MICU2: variants seen among roughly 807,000 people sequenced by gnomAD.
MICU2 encodes the protein calcium uptake protein 2, mitochondrial.
A neutral mutation model predicts 60.4 loss-of-function variants in MICU2; 64 were observed. The observed-to-expected ratio is 1.06, with a 90% CI of 0.87 to 1.31. The LOEUF is 1.31. Ranked by LOEUF, MICU2 falls within the 50% of genes most tolerant of loss-of-function variation. The pLI is 0.00. For missense variants in MICU2, 569 were observed against 531.0 expected, an observed-to-expected ratio of 1.07 and a Z score of -0.70; for synonymous variants, 201 against 175.0, an observed-to-expected ratio of 1.15 and a Z score of -1.17.
At chr13:21,529,712 C>T (rs1886940801) in intron 4 of MICU2, among the ~76,000 whole-genome samples, 1 of 152,180 alleles carries the variant, frequency 6.6e-6, no homozygotes, top group Non-Finnish European at 1.5e-5. Flanking sequence ...ATGTAAGTCA[C>T]TGTAACCTTG....
chr13:21,520,191 G>A (rs1886682340), intron 6 of MICU2, among the ~76,000 whole-genome samples: 1 of 152,046 alleles, frequency 6.6e-6, no homozygotes, highest in Admixed American at 6.6e-5. Flanking sequence ...GATCCTATTT[G>A]TTTATCCACT....
chr13:21,594,260 G>T (rs538915622), intron 1 of MICU2, among the ~76,000 whole-genome samples: 1 of 151,956 alleles, frequency 6.6e-6, no homozygotes, highest in South Asian at 2.1e-4. Flanking sequence ...ACATTTACAC[G>T]GCCAACAAAC....
Position 21,495,316 on chromosome 13 carries a change from C to T in MICU2, c.1045G>A (p.Glu349Lys), listed in dbSNP as rs760247912. The T allele has an allele frequency of 1.9e-6, 3 of 1,581,226 alleles. No homozygotes were observed. The highest frequency in any genetic ancestry group is 2.6e-6 in the Non-Finnish European group (3 of 1,164,976). Residue 349 changes from glutamate (E) to lysine (K), a missense_variant and splice_region_variant, in exon 11 of 12, where the codon GAG (glutamate) becomes AAG (lysine). Glu to Lys is a moderately conservative substitution (Grantham distance 56). Transcript: ENST00000382374. ...GCTACTTTCACAGCTCTCTTAAACTCCGCTAAAAAACAAACATAAAACAAC... is the reference window on the plus strand; with the variant it reads ...GCTACTTTCACAGCTCTCTTAAACTTCGCTAAAAAACAAACATAAAACAAC... ...SLAHRPVRLA[E>K]FKRAVKVATG...
chr13:21,567,694 G>A (rs757855974), intron 1 of MICU2, among the ~76,000 whole-genome samples: 5 of 152,204 alleles, frequency 3.3e-5, no homozygotes, highest in Non-Finnish European at 5.9e-5. Flanking sequence ...AATGAAGAGA[G>A]TGCTGAAATC....
chr13:21,551,829 G>C (rs1181691743), intron 2 of MICU2, among the ~76,000 whole-genome samples: 3 of 151,474 alleles, frequency 2.0e-5, no homozygotes, highest in African/African-American at 7.3e-5. Context: ...TCTTAATCCA[G>C]TCTTTGTTGG....
rs71093338 is a variant in MICU2 at position 21,593,571 on chromosome 13, C to CAAAA, written c.210+10364_210+10367dup. Among the ~76,000 whole-genome samples, 121 of 63,036 alleles carry CAAAA rather than the reference C, an allele frequency of 1.9e-3. 3 individuals carry two copies. Among genetic ancestry groups the CAAAA allele is most frequent in the African/African-American group, 2.3e-3 (34 of 14,888 alleles). The allele number at this position is 63,036 out of a possible 152,430, so 41.4% of individuals were successfully genotyped here. Reference sequence around the variant, plus strand: ...CCCATATTGCAAAGACAATCCTAAGCAAAAAAAAAAAAAAAAAAAAAAACA... The same window carrying CAAAA: ...CCCATATTGCAAAGACAATCCTAAGCAAAAAAAAAAAAAAAAAAAAAAAAAAACA... On this transcript the variant is annotated intron_variant, in intron 1 of 11. Transcript: ENST00000382374.
intron 1 of MICU2, among the ~76,000 whole-genome samples, chr13:21,585,091 AG>A (rs1303802819): frequency 1.3e-5 from 2 of 152,352 alleles, no homozygotes; most frequent in Middle Eastern, 3.4e-3. Context: ...TACACAATGA[AG>A]GAATGTAAGA....
intron 1 of MICU2, among the ~76,000 whole-genome samples, chr13:21,592,994 A>G (rs1888615634): frequency 6.6e-6 from 1 of 152,258 alleles, no homozygotes. Flanking sequence ...CGTATTCAAC[A>G]GAGTACTGGA....
intron 4 of MICU2, 32 bp downstream of exon 4, chr13:21,539,270 T>C: frequency 1.3e-6 from 2 of 1,573,852 alleles, no homozygotes; most frequent in South Asian, 1.1e-5. Flanking sequence ...ATAAAACACA[T>C]AACTAGAAAT....
chr13:21,508,369 C>T (rs753092569), intron 8 of MICU2, among the ~76,000 whole-genome samples: 2 of 152,138 alleles, frequency 1.3e-5, no homozygotes, highest in Non-Finnish European at 2.9e-5. Flanking sequence ...TCGTGATCCA[C>T]CACCTCGGCC....
chr13:21,498,000 C>T (rs1363940775), intron 9 of MICU2, among the ~76,000 whole-genome samples: 2 of 152,080 alleles, frequency 1.3e-5, no homozygotes, highest in African/African-American at 2.4e-5. Flanking sequence ...AGTGATCCTC[C>T]CACCTTAGCC....
chr13:21,503,678 T>C (rs1886231959), intron 8 of MICU2, among the ~76,000 whole-genome samples: 1 of 152,186 alleles, frequency 6.6e-6, no homozygotes, highest in African/African-American at 2.4e-5. Flanking sequence ...GGTACTTCGA[T>C]CAAACTGTCA....
chr13:21,558,852 C>G (rs556092380), intron 2 of MICU2, among the ~76,000 whole-genome samples: 2 of 152,114 alleles, frequency 1.3e-5, no homozygotes, highest in Non-Finnish European at 2.9e-5. Flanking sequence ...CACTTCTCAG[C>G]TGCACTCCCC....
At chr13:21,564,254 A>T (rs145686913) in intron 2 of MICU2, among the ~76,000 whole-genome samples, 97 of 152,136 alleles carry the variant, frequency 6.4e-4, no homozygotes, top group African/African-American at 2.2e-3. Flanking sequence ...GTCATGATGT[A>T]TTTGGTAAAA....
At chr13:21,528,097 G>A (rs1886900244) in intron 4 of MICU2, among the ~76,000 whole-genome samples, 1 of 152,030 alleles carries the variant, frequency 6.6e-6, no homozygotes, top group Non-Finnish European at 1.5e-5. Flanking sequence ...TTAAAATTAT[G>A]CTCAGTTTAA....
At chr13:21,507,805 C>T (rs1473009578) in intron 8 of MICU2, among the ~76,000 whole-genome samples, 2 of 151,324 alleles carry the variant, frequency 1.3e-5, no homozygotes, top group South Asian at 2.1e-4. Flanking sequence ...GGTTTCACCA[C>T]GTTGGCCAGG....
chr13:21,503,086 T>C lies in MICU2; in HGVS notation c.773A>G (p.Asn258Ser), dbSNP rs757072057. ...HYKEFRRFMENLQTEIQEMEF... is the reference protein window; with the variant it reads ...HYKEFRRFMESLQTEIQEMEF... ...CATTTCTTGAATCTCTGTTTGTAAATTTTCCATAAATCTGAATGTTAAAAT... is the reference window on the plus strand; with the variant it reads ...CATTTCTTGAATCTCTGTTTGTAAACTTTCCATAAATCTGAATGTTAAAAT... Residue 258 changes from asparagine (N) to serine (S), a missense_variant, in exon 9 of 12, where the codon AAT becomes AGT. Transcript: ENST00000382374. 111 of 1,594,392 alleles carry C rather than the reference T, an allele frequency of 7.0e-5. No individual in the cohort carries two copies. In the East Asian group the frequency reaches 9.6e-4, roughly 14 times the overall value.
At chr13:21,498,473 G>A in intron 9 of MICU2, among the ~76,000 whole-genome samples, 1 of 141,970 alleles carries the variant, frequency 7.0e-6, no homozygotes, top group Non-Finnish European at 1.5e-5. Context: ...CTGCTTCCCA[G>A]GTTCAAGCAA....
chr13:21,548,901 G>A (rs1440441598), intron 2 of MICU2, among the ~76,000 whole-genome samples: 2 of 150,630 alleles, frequency 1.3e-5, no homozygotes, highest in South Asian at 4.2e-4. Flanking sequence ...GGTGGGGGAG[G>A]AGAGAAGACA....
Sources: allele counts gnomAD v4.1 joint callset (sites outside exome capture counted in the v4.1 genomes callset), GRCh38; gene constraint gnomAD v4.1.1; transcripts MANE v1.5; gene names NCBI Gene and HGNC (gene_info 2026-07-23, HGNC 2026-07-21).